PCDHGA1: variants seen among roughly 807,000 people sequenced by gnomAD.
PCDHGA1 encodes protocadherin gamma subfamily A, 1, also known as protocadherin gamma-A1.
Under a neutral mutation model 58.0 loss-of-function variants are expected in PCDHGA1, and 32 were observed. That is an observed-to-expected ratio of 0.55 (90% CI 0.42 to 0.74). The LOEUF (loss-of-function observed/expected upper bound fraction) is 0.74. Ranked by LOEUF, PCDHGA1 falls within the 30% of genes least tolerant of loss-of-function variation. PCDHGA1 has a pLI of 0.00. For missense variants in PCDHGA1, 1,205 were observed against 1,182.3 expected (o/e 1.02, Z -0.28); for synonymous variants, 498 against 501.1 (o/e 0.99, Z 0.08).
chr5:141,511,135 G>A lies in PCDHGA1; in HGVS notation c.2758G>A (p.Gly920Ser), dbSNP rs200541479. Residue 920 changes from glycine to serine, a missense_variant, in exon 4 of 4, where the codon GGC becomes AGC. Physicochemically the swap from Gly to Ser is moderately conservative, Grantham distance 56. Coordinates refer to ENST00000517417, the MANE Select transcript of PCDHGA1 (RefSeq NM_018912.3). The stretch of plus-strand genomic sequence containing the variant: ...TGGCAAGGCCCCAGCAGGTGGCAAT[G>A]GCAACAAGAAGAAGTCGGGCAAGAA... ...RDGKAPAGGN[G>S]NKKKSGKKEK... 2.8e-4 allele frequency: 448 copies of A among 1,614,188 alleles called. No homozygotes were observed. Among genetic ancestry groups the A allele is most frequent in the Non-Finnish European group, 3.0e-4 (352 of 1,180,016 alleles).
intron 1 of PCDHGA1, among the ~76,000 whole-genome samples, chr5:141,464,203 T>G (rs2099077714): frequency 6.6e-6 from 1 of 150,780 alleles, no homozygotes; most frequent in South Asian, 2.1e-4. Flanking sequence ...AGGCGGAGAT[T>G]GCAGTGAGCT....
intron 1 of PCDHGA1, chr5:141,412,735 T>A (rs2095573578): frequency 6.5e-6 from 1 of 153,492 alleles, no homozygotes; most frequent in African/African-American, 2.4e-5. Context: ...GTGTTGCAAA[T>A]ATATATTTAA....
In PCDHGA1 at chr5:141,477,155, G is replaced by A. The variant is rs2099406190; in HGVS notation, c.2422-17652G>A. ...GTTGGTGGAGGTTGTGGATGTGAATGACAACGCCCCGGAGATCACAGTCAC... is the reference window on the plus strand; with the variant it reads ...GTTGGTGGAGGTTGTGGATGTGAATAACAACGCCCCGGAGATCACAGTCAC... On this transcript the variant is annotated intron_variant, in intron 1 of 3. Coordinates refer to ENST00000517417, the MANE Select transcript of PCDHGA1 (RefSeq NM_018912.3). The surrounding 1 kb of genome is among the most constrained non-coding windows in gnomAD (Gnocchi z 4.9). The A allele has an allele frequency of 6.2e-7, 1 of 1,614,190 alleles. No individual in the cohort carries two copies. The highest frequency in any genetic ancestry group is 8.5e-7 in the Non-Finnish European group (1 of 1,180,042).
Position 141,476,570 on chromosome 5 carries a change from A to G in PCDHGA1, c.2422-18237A>G. ...GATTAGCGAGGCCGTGGCTCCGGGG[A>G]CGCGCTTTCCGCTCGAGAGCGCGCA... On this transcript the variant is annotated intron_variant, in intron 1 of 3. Transcript: ENST00000517417. The surrounding 1 kb of genome is among the most constrained non-coding windows in gnomAD (Gnocchi z 7.6). 3 of 1,614,114 alleles carry G rather than the reference A, an allele frequency of 1.9e-6. No individual in the cohort carries two copies. The highest frequency in any genetic ancestry group is 2.5e-6 in the Non-Finnish European group (3 of 1,180,012).
Position 141,431,674 on chromosome 5 carries a change from G to T in PCDHGA1, c.2422-63133G>T. 6.2e-7 allele frequency: 1 copy of T among 1,614,234 alleles called. No homozygotes were observed. ...ATTCAGGGACAATATCAACAATAGG[G>T]GAGTTGGACCACGAGGAGTCAGGAT... is the stretch of plus-strand genomic sequence containing the variant. On this transcript the variant is annotated intron_variant, in intron 1 of 3. Transcript: ENST00000517417. This position sits in a 1 kb window ranked among gnomAD's most constrained non-coding sequence, Gnocchi z 4.8.
chr5:141,409,303 C>G, intron 1 of PCDHGA1: 3 of 1,613,922 alleles, frequency 1.9e-6, no homozygotes, highest in South Asian at 2.2e-5. Flanking sequence ...TGGTTGTTGC[C>G]CTCTTCAAAA....
At chr5:141,436,829 G>C (rs1194891483) in intron 1 of PCDHGA1, among the ~76,000 whole-genome samples, 3 of 152,214 alleles carry the variant, frequency 2.0e-5, no homozygotes, top group African/African-American at 7.2e-5. Flanking sequence ...AAAATCTTAA[G>C]TGCCTAGGCA....
At chr5:141,358,601 T>C (rs931374917) in intron 1 of PCDHGA1, among the ~76,000 whole-genome samples, 5 of 152,228 alleles carry the variant, frequency 3.3e-5, no homozygotes, top group Non-Finnish European at 5.9e-5. Context: ...ACTCCTGTGA[T>C]TATGAGAAAT....
chr5:141,352,323 T>C, intron 1 of PCDHGA1: 6 of 1,614,060 alleles, frequency 3.7e-6, no homozygotes, highest in Non-Finnish European at 5.1e-6. Context: ...CAGTTTTACC[T>C]GGTTGTGGCC....
At chr5:141,478,454 A>G (rs766350066) in intron 1 of PCDHGA1, 4 of 1,613,596 alleles carry the variant, frequency 2.5e-6, no homozygotes, top group Non-Finnish European at 3.4e-6. Context: ...TGGTGCAGCC[A>G]GTCCACTGGC....
intron 1 of PCDHGA1, chr5:141,393,124 T>A: frequency 6.2e-7 from 1 of 1,613,430 alleles, no homozygotes; most frequent in Non-Finnish European, 8.5e-7. Flanking sequence ...CGGTGTCTGA[T>A]AAATATTAAC....
intron 3 of PCDHGA1, among the ~76,000 whole-genome samples, chr5:141,505,999 G>A (rs891447053): frequency 1.3e-5 from 2 of 152,172 alleles, no homozygotes; most frequent in African/African-American, 4.8e-5. Flanking sequence ...TTTATGCGAG[G>A]CTCCTCTTTT....
chr5:141,499,565 C>T (rs1291006795), intron 2 of PCDHGA1, among the ~76,000 whole-genome samples: 1 of 152,168 alleles, frequency 6.6e-6, no homozygotes, highest in East Asian at 1.9e-4. Flanking sequence ...CACTATCCAG[C>T]TTCAACTAAT....
chr5:141,350,711 CT>C, intron 1 of PCDHGA1: 1 of 1,613,962 alleles, frequency 6.2e-7, no homozygotes, highest in Non-Finnish European at 8.5e-7. Flanking sequence ...AAAATTCTCT[CT>C]GGATTCTGCT....
At position 141,476,140 on chromosome 5, in the gene PCDHGA1, C is replaced by A. The variant is rs1410430310; in HGVS notation, c.2422-18667C>A. On this transcript the variant is annotated intron_variant, in intron 1 of 3. Coordinates refer to ENST00000517417, the MANE Select transcript of PCDHGA1 (RefSeq NM_018912.3). The surrounding 1 kb of genome is among the most constrained non-coding windows in gnomAD (Gnocchi z 7.6). ...AGATGGTCCCAGAGGCCTGGAGGAG[C>A]GGACTGGTAAGCACCGGGAGGGTAG... 6 of 1,609,222 alleles carry A rather than the reference C, an allele frequency of 3.7e-6. No homozygotes were observed. The highest frequency in any genetic ancestry group is 5.1e-6 in the Non-Finnish European group (6 of 1,178,484).
intron 1 of PCDHGA1, chr5:141,372,351 C>A: frequency 6.2e-7 from 1 of 1,613,872 alleles, no homozygotes; most frequent in Non-Finnish European, 8.5e-7. Context: ...AGGACAGCAG[C>A]CTCTTTCAGC....
intron 1 of PCDHGA1, chr5:141,415,715 T>A: frequency 7.0e-7 from 1 of 1,428,190 alleles, no homozygotes; most frequent in Non-Finnish European, 9.3e-7. Flanking sequence ...AAAACACTGA[T>A]GAGTAGAATT....
At chr5:141,435,421 C>T (rs1384040447) in intron 1 of PCDHGA1, among the ~76,000 whole-genome samples, 2 of 152,096 alleles carry the variant, frequency 1.3e-5, no homozygotes, top group Non-Finnish European at 2.9e-5. Context: ...CTATTTTTCA[C>T]TTCTGTTATG....
intron 1 of PCDHGA1, chr5:141,373,862 A>G (rs1168900381): frequency 6.5e-6 from 3 of 464,904 alleles, no homozygotes; most frequent in Non-Finnish European, 1.1e-5. Flanking sequence ...GCTGTTGACC[A>G]ACCTGGGCAA....
Sources: gnomAD v4.1 joint callset for allele counts (sites outside exome capture counted in the v4.1 genomes callset) on GRCh38, gnomAD v4.1.1 for gene constraint, Gnocchi (gnomAD v3.1) non-coding constraint, MANE v1.5 for transcripts, NCBI Gene and HGNC (gene_info 2026-07-23, HGNC 2026-07-21) for gene names.